Variants in PIK3AP1 observed in about 807,000 individuals in gnomAD.
PIK3AP1 encodes the protein phosphoinositide 3-kinase adapter protein 1.
PIK3AP1 carries 21 observed loss-of-function variants against 88.1 expected under a neutral mutation model. That is an observed-to-expected ratio of 0.24 (90% CI 0.17 to 0.34). The LOEUF (loss-of-function observed/expected upper bound fraction) is 0.34, where lower values mean the gene tolerates loss of function less well. Among genes scored for constraint, PIK3AP1 ranks in the 10% least tolerant of loss-of-function variants. The probability of loss-of-function intolerance (pLI) is 1.00; values close to 1 mark genes in which losing one functional copy is unlikely to be tolerated. For missense variants in PIK3AP1, 828 were observed against 1,035.7 expected, an observed-to-expected ratio of 0.80 and a Z score of 2.75; for synonymous variants, 398 against 400.0, an observed-to-expected ratio of 1.00 and a Z score of 0.06.
chr10:96,617,716 G>A (rs565551279), intron 12 of PIK3AP1, among the ~76,000 whole-genome samples: 2 of 152,282 alleles, frequency 1.3e-5, no homozygotes, highest in African/African-American at 2.4e-5. Flanking sequence ...AGGACACACC[G>A]CTGACTGGGT....
At position 96,720,044 on chromosome 10, in the gene PIK3AP1, C is replaced by G. The variant is rs1482082553; in HGVS notation, c.13+338G>C. The stretch of plus-strand genomic sequence containing the variant: ...CATCCACATCGCCCGCCCTCCGCTT[C>G]TCTCAACTCGCCTCTCGCTTCAGAG... On this transcript the variant is annotated intron_variant, in intron 1 of 16. Coordinates refer to ENST00000339364, the MANE Select transcript of PIK3AP1 (RefSeq NM_152309.3). The surrounding 1 kb of genome is among the most constrained non-coding windows in gnomAD (Gnocchi z 4.6). Among the ~76,000 whole-genome samples the G allele has an allele frequency of 7.9e-5, 12 of 152,196 alleles. No homozygotes were observed. The highest frequency in any genetic ancestry group is 7.9e-4 in the Admixed American group (12 of 15,280).
chr10:96,683,476 A>C (rs982354155), intron 2 of PIK3AP1, among the ~76,000 whole-genome samples: 1 of 151,782 alleles, frequency 6.6e-6, no homozygotes, highest in Non-Finnish European at 1.5e-5. Context: ...ATGTACTGAC[A>C]AAAAAAAATC....
chr10:96,620,667 G>T, intron 11 of PIK3AP1, 110 bp from the exon 12 acceptor site: 4 of 893,298 alleles, frequency 4.5e-6, no homozygotes, highest in Non-Finnish European at 5.1e-6. Context: ...CTTCTCAAAA[G>T]AACAATTACA....
At chr10:96,630,137 GT>G (rs1843225533) in intron 8 of PIK3AP1, among the ~76,000 whole-genome samples, 1 of 152,036 alleles carries the variant, frequency 6.6e-6, no homozygotes, top group Non-Finnish European at 1.5e-5. Context: ...ATTCTGACAT[GT>G]TTTTGTTACC....
At chr10:96,612,950 GTATATATATATATATATATATA>G (rs398046320) in intron 13 of PIK3AP1, among the ~76,000 whole-genome samples, 1 of 59,682 alleles carries the variant, frequency 1.7e-5, no homozygotes, top group African/African-American at 7.8e-5. Flanking sequence ...GTGTGTGTGT[GTATATATATATATATATATATA>G]TATATATATA....
At chr10:96,671,365 A>G (rs186100178) in intron 2 of PIK3AP1, among the ~76,000 whole-genome samples, 193 of 152,242 alleles carry the variant, frequency 1.3e-3, no homozygotes, top group African/African-American at 4.5e-3. Flanking sequence ...AGTCATCACC[A>G]TGGGTCTTTC....
chr10:96,595,737 C>T, intron 16 of PIK3AP1, 103 bp from the exon 17 acceptor site: 2 of 1,073,884 alleles, frequency 1.9e-6, no homozygotes, highest in African/African-American at 3.1e-5. Flanking sequence ...GCAAAGGACA[C>T]AATCCTCAAT....
chr10:96,655,793 C>T (rs1202696492), intron 3 of PIK3AP1, among the ~76,000 whole-genome samples: 1 of 152,196 alleles, frequency 6.6e-6, no homozygotes, highest in Non-Finnish European at 1.5e-5. Flanking sequence ...TTTCCTCCTC[C>T]TTGCCTTCTG....
At chr10:96,627,066 A>G (rs1843164660) in intron 9 of PIK3AP1, among the ~76,000 whole-genome samples, 161 bp from the exon 10 acceptor site, 1 of 152,228 alleles carries the variant, frequency 6.6e-6, no homozygotes, top group Admixed American at 6.5e-5. Flanking sequence ...TCAGAACACC[A>G]CACAAAGCAA....
rs1168543532 is a variant in PIK3AP1, at chr10:96,626,629, C to T, written c.1669+79G>A. ...AGGGGATAGTCTCTGAGCAATGGTT[C>T]AAAAAGCCAGGTCATCCAGGAAATC... is the stretch of plus-strand genomic sequence containing the variant. On this transcript the variant is annotated intron_variant, in intron 10 of 16. Transcript: ENST00000339364. 8 of 1,478,720 alleles carry T rather than the reference C, an allele frequency of 5.4e-6. No individual in the cohort carries two copies. The African/African-American group carries it at 9.8e-5, about 18-fold the overall frequency. The allele number at this position is 1,478,720 out of a possible 1,614,324, so 91.6% of individuals were successfully genotyped here.
chr10:96,635,675 C>T lies in PIK3AP1; in HGVS notation c.1376-7182G>A, dbSNP rs191965725. Reference sequence around the variant, plus strand: ...ATCCCAGCACTTTGGGAGGCCAAGACAGGAGGATCACCTGACGTCAGGAGT... The same window carrying T: ...ATCCCAGCACTTTGGGAGGCCAAGATAGGAGGATCACCTGACGTCAGGAGT... On this transcript the variant is annotated intron_variant, in intron 8 of 16. Coordinates refer to ENST00000339364, the MANE Select transcript of PIK3AP1 (RefSeq NM_152309.3). Among the ~76,000 whole-genome samples, 437 of 151,918 alleles carry T rather than the reference C, an allele frequency of 2.9e-3. 3 individuals are homozygous for T. The highest frequency in any genetic ancestry group is 0.01 in the African/African-American group (419 of 41,406).
At chr10:96,686,057 G>A (rs945877159) in intron 2 of PIK3AP1, among the ~76,000 whole-genome samples, 1 of 152,172 alleles carries the variant, frequency 6.6e-6, no homozygotes, top group Non-Finnish European at 1.5e-5. Context: ...AAGCACCTGA[G>A]GCAAATATGA....
intron 8 of PIK3AP1, among the ~76,000 whole-genome samples, chr10:96,642,944 A>AG (rs1324967103): frequency 6.6e-6 from 1 of 152,220 alleles, no homozygotes; most frequent in African/African-American, 2.4e-5. Flanking sequence ...GACACAGGGC[A>AG]GAAAGGATGA....
At chr10:96,663,981 C>A (rs989997354) in intron 2 of PIK3AP1, among the ~76,000 whole-genome samples, 9 of 152,148 alleles carry the variant, frequency 5.9e-5, no homozygotes, top group Non-Finnish European at 1.2e-4. Flanking sequence ...AGGACAGATA[C>A]CCCCCAGCTG....
At chr10:96,596,794 C>T (rs529922179) in intron 16 of PIK3AP1, among the ~76,000 whole-genome samples, 92 of 152,096 alleles carry the variant, frequency 6.0e-4, no homozygotes, top group Non-Finnish European at 1.2e-3. Context: ...TACTGTAAAA[C>T]CAATATTTAA....
At chr10:96,634,425 G>A (rs1043284232) in intron 8 of PIK3AP1, among the ~76,000 whole-genome samples, 2 of 152,218 alleles carry the variant, frequency 1.3e-5, no homozygotes, top group African/African-American at 4.8e-5. Context: ...GATGGCCACT[G>A]AGCAACCAGT....
chr10:96,661,405 C>T (rs966235241), intron 2 of PIK3AP1, among the ~76,000 whole-genome samples: 2 of 152,088 alleles, frequency 1.3e-5, no homozygotes, highest in Admixed American at 6.5e-5. Flanking sequence ...ATAGAGTATA[C>T]AACAGTAGGT....
intron 8 of PIK3AP1, among the ~76,000 whole-genome samples, chr10:96,642,425 C>CAAAAAAAAAAAAAAAAAAAA (rs34912752): frequency 1.0e-5 from 1 of 98,964 alleles, no homozygotes; most frequent in South Asian, 3.3e-4. Flanking sequence ...GATGTTGTCT[C>CAAAAAAAAAAAAAAAAAAAA]AAAAAAAAAA....
At chr10:96,601,073 C>T (rs553945765) in intron 16 of PIK3AP1, among the ~76,000 whole-genome samples, 244 of 54,392 alleles carry the variant, frequency 4.5e-3, no homozygotes, top group African/African-American at 0.01. Context: ...TAACTCCTCT[C>T]CTGTATAAAA....
Sources: gnomAD v4.1 joint callset for allele counts (sites outside exome capture counted in the v4.1 genomes callset) on GRCh38, gnomAD v4.1.1 for gene constraint, Gnocchi (gnomAD v3.1) non-coding constraint, MANE v1.5 for transcripts, NCBI Gene and HGNC (gene_info 2026-07-23, HGNC 2026-07-21) for gene names.